CPEB1: variants seen among roughly 807,000 people sequenced by gnomAD.
The protein encoded by CPEB1 is cytoplasmic polyadenylation element-binding protein 1.
CPEB1 carries 7 observed loss-of-function variants against 65.8 expected under a neutral mutation model. The observed-to-expected ratio is 0.11, with a 90% confidence interval of 0.06 to 0.20. The LOEUF is 0.20. Ranked by LOEUF, CPEB1 falls within the 10% of genes least tolerant of loss-of-function variation. The pLI is 1.00. For synonymous variants in CPEB1, 262 were observed against 260.0 expected (o/e 1.01, Z -0.08); for missense variants, 551 against 712.2 (o/e 0.77, Z 2.58).
intron 3 of CPEB1, among the ~76,000 whole-genome samples, chr15:82,614,215 C>A (rs894857911): frequency 2.0e-5 from 3 of 152,216 alleles, no homozygotes; most frequent in Non-Finnish European, 4.4e-5. Flanking sequence ...TCACAGCTCA[C>A]TGAAGCCTCG....
chr15:82,606,052 T>G (rs758129344), intron 3 of CPEB1, among the ~76,000 whole-genome samples: 1 of 152,022 alleles, frequency 6.6e-6, no homozygotes, highest in African/African-American at 2.4e-5. Flanking sequence ...AAAAAAGACA[T>G]ATTTGTAATA....
intron 3 of CPEB1, among the ~76,000 whole-genome samples, chr15:82,617,237 A>G (rs1301621057): frequency 1.3e-5 from 2 of 152,248 alleles, no homozygotes; most frequent in African/African-American, 4.8e-5. Flanking sequence ...AGTAGCAACA[A>G]TAGTTTATTC....
chr15:82,554,799 T>C (rs1020945744), intron 6 of CPEB1, among the ~76,000 whole-genome samples: 2 of 152,250 alleles, frequency 1.3e-5, no homozygotes, highest in African/African-American at 4.8e-5. Context: ...CTAAAAGGAA[T>C]AGGCCCAACG....
intron 4 of CPEB1, among the ~76,000 whole-genome samples, chr15:82,567,366 C>T (rs1465945986): frequency 2.6e-5 from 4 of 152,004 alleles, no homozygotes; most frequent in East Asian, 1.9e-4. Context: ...GGGCCAGGCA[C>T]GGTGGCTCAC....
At chr15:82,615,271 A>G (rs975997125) in intron 3 of CPEB1, among the ~76,000 whole-genome samples, 3 of 152,226 alleles carry the variant, frequency 2.0e-5, no homozygotes, top group African/African-American at 7.2e-5. Context: ...ATGGATCCAC[A>G]AATAAACACG....
At chr15:82,583,102 C>A (rs767360929) in intron 3 of CPEB1, among the ~76,000 whole-genome samples, 2 of 152,226 alleles carry the variant, frequency 1.3e-5, no homozygotes, top group South Asian at 4.2e-4. Flanking sequence ...ATTTCACATT[C>A]GGGTGTTTCT....
intron 1 of CPEB1, among the ~76,000 whole-genome samples, chr15:82,634,215 G>T (rs1323439879): frequency 6.7e-6 from 1 of 149,286 alleles, no homozygotes; most frequent in Non-Finnish European, 1.5e-5. Flanking sequence ...TGGTTCAGAA[G>T]TATCACTCAT....
chr15:82,585,760 C>A (rs1159920355), intron 3 of CPEB1, among the ~76,000 whole-genome samples: 1 of 152,178 alleles, frequency 6.6e-6, no homozygotes, highest in Non-Finnish European at 1.5e-5. Context: ...CGGCAGCGTT[C>A]CTTGTCCTCA....
At chr15:82,548,975 C>A (rs2035775944) in intron 10 of CPEB1, among the ~76,000 whole-genome samples, 1 of 152,258 alleles carries the variant, frequency 6.6e-6, no homozygotes, top group East Asian at 1.9e-4. Context: ...GGCCCACAGA[C>A]TTCTGAGTTA....
At chr15:82,617,944 G>A (rs1165302258) in intron 3 of CPEB1, among the ~76,000 whole-genome samples, 3 of 150,994 alleles carry the variant, frequency 2.0e-5, no homozygotes, top group Non-Finnish European at 4.4e-5. Flanking sequence ...CGTTTTAGCC[G>A]GGATGGTCTC....
At chr15:82,589,510 G>A (rs1049665506) in intron 3 of CPEB1, among the ~76,000 whole-genome samples, 1 of 152,144 alleles carries the variant, frequency 6.6e-6, no homozygotes, top group African/African-American at 2.4e-5. Flanking sequence ...TTGGGAGGCA[G>A]AGGCGGGTGG....
chr15:82,576,374 G>T (rs2040647334), intron 3 of CPEB1, among the ~76,000 whole-genome samples: 1 of 151,778 alleles, frequency 6.6e-6, no homozygotes, highest in Non-Finnish European at 1.5e-5. Context: ...TGAGAGTGAG[G>T]ATACATCAGT....
At chr15:82,562,313 A>C in intron 4 of CPEB1, 1 of 432,172 alleles carries the variant, frequency 2.3e-6, no homozygotes, top group Non-Finnish European at 4.5e-6. Context: ...TTGGGTCTTA[A>C]ATCTATCTAG....
chr15:82,583,016 T>C (rs1029971970), intron 3 of CPEB1, among the ~76,000 whole-genome samples: 4 of 151,518 alleles, frequency 2.6e-5, no homozygotes, highest in African/African-American at 4.9e-5. Context: ...GCTGTAGGAG[T>C]TTAATTCTTA....
chr15:82,634,316 C>G (rs931247647), intron 1 of CPEB1, among the ~76,000 whole-genome samples: 1 of 151,732 alleles, frequency 6.6e-6, no homozygotes, highest in Admixed American at 6.6e-5. Context: ...AAGAAATGAA[C>G]AATTGTCTAA....
rs920253878 is a variant in CPEB1, at chr15:82,571,678, G to A, written c.272-146C>T. ...GCTGGATGCTGCAGCCGCTGCCTCT[G>A]CACTTTTGGGGACGCTGGGGCAAGA... On this transcript the variant is annotated intron_variant, in intron 3 of 12. Transcript: ENST00000684509. The A allele has an allele frequency of 1.4e-5, 20 of 1,442,116 alleles. No individual in the cohort carries two copies. In the Admixed American group the frequency reaches 4.5e-4, roughly 32 times the overall value. 89.3% of individuals were successfully genotyped at this position (1,442,116 alleles called of 1,614,324 possible). A position where few individuals can be genotyped will look rare whatever the true frequency, so the allele number is the denominator to read the frequency against.
chr15:82,543,455 TC>T lies in CPEB1; in HGVS notation c.*1136del, dbSNP rs2034620851. On this transcript the variant is annotated 3_prime_UTR_variant, in exon 13 of 13. Transcript: ENST00000684509. ...AAGTAGTTTTTGTGGGTTTTTTGTT[TC>T]TTTTTAAAAAAAAAAAAAAAAAAAA... 10 of 119,852 alleles carry T rather than the reference TC, an allele frequency of 8.3e-5. No homozygotes were observed. The highest frequency in any genetic ancestry group is 1.7e-4 in the African/African-American group (5 of 29,270). The allele number at this position is 119,852 out of a possible 1,614,324, so 7.4% of individuals were successfully genotyped here.
chr15:82,584,903 C>CTTTTTTTTTTTTTTTTTTTTTT lies in CPEB1; in HGVS notation c.272-13372_272-13371insAAAAAAAAAAAAAAAAAAAAAA, dbSNP rs3080692. On this transcript the variant is annotated intron_variant, in intron 3 of 12. Transcript: ENST00000684509. ...GACATAATTTTTTTTTCCTAATTTG[C>CTTTTTTTTTTTTTTTTTTTTTT]TTTTTTTTTTTTTTTTTTTACAGTG... is the stretch of plus-strand genomic sequence containing the variant. 1.3e-4 allele frequency among the ~76,000 whole-genome samples: 11 copies of CTTTTTTTTTTTTTTTTTTTTTT among 81,742 alleles called. 2 individuals carry two copies. The highest frequency in any genetic ancestry group is 4.7e-4 in the African/African-American group (8 of 16,866). The allele number at this position is 81,742 out of a possible 152,430, so 53.6% of individuals were successfully genotyped here. A position where few individuals can be genotyped will look rare whatever the true frequency, so the allele number is the denominator to read the frequency against.
intron 1 of CPEB1, chr15:82,629,743 T>G (rs1411600332): frequency 1.0e-6 from 1 of 985,306 alleles, no homozygotes; most frequent in Non-Finnish European, 1.2e-6. Flanking sequence ...TAATATCTCA[T>G]AAGCTGGTCA....
Sources: gnomAD v4.1 joint callset for allele counts (sites outside exome capture counted in the v4.1 genomes callset) on GRCh38, gnomAD v4.1.1 for gene constraint, MANE v1.5 for transcripts, NCBI Gene and HGNC (gene_info 2026-07-23, HGNC 2026-07-21) for gene names.